The following IMMP2L variants were observed in gnomAD, a reference collection of about 807,000 sequenced individuals.
IMMP2L encodes the protein inner mitochondrial membrane peptidase subunit 2, also known as mitochondrial inner membrane protease subunit 2.
A neutral mutation model predicts 19.3 loss-of-function variants in IMMP2L; 18 were observed. The observed-to-expected ratio is 0.93, with a 90% confidence interval of 0.64 to 1.38. The LOEUF (loss-of-function observed/expected upper bound fraction) is 1.38, where lower values mean the gene tolerates loss of function less well. IMMP2L is among the 40% of genes most tolerant of loss of function. The pLI, the probability that IMMP2L is intolerant of heterozygous loss-of-function variation, is 0.00. For missense variants in IMMP2L, 233 were observed against 218.2 expected (o/e 1.07, Z -0.43); for synonymous variants, 76 against 73.0 (o/e 1.04, Z -0.21).
intron 3 of IMMP2L, among the ~76,000 whole-genome samples, chr7:111,250,618 A>G (rs1815994586): frequency 6.6e-6 from 1 of 152,134 alleles, no homozygotes; most frequent in Non-Finnish European, 1.5e-5. Flanking sequence ...CAACCATCTG[A>G]TTTTTTACAA....
intron 3 of IMMP2L, among the ~76,000 whole-genome samples, chr7:111,101,084 G>C (rs1171056244): frequency 6.6e-6 from 1 of 151,188 alleles, no homozygotes; most frequent in Non-Finnish European, 1.5e-5. Flanking sequence ...GCAGTATATC[G>C]AATTCTCAAC....
intron 4 of IMMP2L, among the ~76,000 whole-genome samples, chr7:110,936,785 G>T (rs910228885): frequency 2.6e-5 from 4 of 152,032 alleles, no homozygotes; most frequent in Non-Finnish European, 5.9e-5. Context: ...AACAGCAAAG[G>T]CTTGGAACCA....
chr7:111,497,250 G>T (rs1843681676), intron 2 of IMMP2L, among the ~76,000 whole-genome samples: 1 of 152,110 alleles, frequency 6.6e-6, no homozygotes, highest in Non-Finnish European at 1.5e-5. Context: ...AAGTGATCTT[G>T]TCCTTAGACT....
intron 1 of IMMP2L, among the ~76,000 whole-genome samples, chr7:111,556,691 G>A (rs1791403219): frequency 6.6e-6 from 1 of 151,930 alleles, no homozygotes; most frequent in Non-Finnish European, 1.5e-5. Flanking sequence ...CTCTTTTATG[G>A]TTTCTCCTTT....
chr7:110,778,881 G>A (rs1468398753), intron 5 of IMMP2L, among the ~76,000 whole-genome samples: 1 of 151,840 alleles, frequency 6.6e-6, no homozygotes, highest in Non-Finnish European at 1.5e-5. Flanking sequence ...CTATTTTGTG[G>A]TGCAAATTCT....
intron 5 of IMMP2L, among the ~76,000 whole-genome samples, chr7:110,782,175 T>A (rs779911556): frequency 1.6e-4 from 24 of 151,816 alleles, no homozygotes; most frequent in Non-Finnish European, 7.4e-5. Context: ...GATGTACACA[T>A]AAAAGAGAGA....
At chr7:110,921,294 GGGTCAGT>G (rs2129550491) in intron 4 of IMMP2L, among the ~76,000 whole-genome samples, 1 of 152,302 alleles carries the variant, frequency 6.6e-6, no homozygotes, top group South Asian at 2.1e-4. Flanking sequence ...GGGGATGGAA[GGGTCAGT>G]TCCATCTGAG....
intron 3 of IMMP2L, among the ~76,000 whole-genome samples, chr7:111,184,538 G>A (rs1808057831): frequency 6.6e-6 from 1 of 151,950 alleles, no homozygotes. Flanking sequence ...AGAGCTTCTG[G>A]TCTCACTACT....
intron 3 of IMMP2L, among the ~76,000 whole-genome samples, chr7:111,240,601 A>G (rs1005605381): frequency 1.3e-5 from 2 of 151,970 alleles, no homozygotes; most frequent in Non-Finnish European, 2.9e-5. Context: ...GAAAAAGTGT[A>G]CCATGTGTTG....
intron 3 of IMMP2L, among the ~76,000 whole-genome samples, chr7:111,046,751 A>C (rs2129571947): frequency 6.6e-6 from 1 of 152,296 alleles, no homozygotes; most frequent in South Asian, 2.1e-4. Flanking sequence ...GAAAGGGAAC[A>C]AGGGATGAAA....
chr7:110,841,121 A>G (rs1355791075), intron 5 of IMMP2L, among the ~76,000 whole-genome samples: 1 of 152,044 alleles, frequency 6.6e-6, no homozygotes, highest in East Asian at 1.9e-4. Context: ...CCCTACTGGT[A>G]TATCAGATGA....
intron 3 of IMMP2L, among the ~76,000 whole-genome samples, chr7:111,314,741 T>C (rs1161268155): frequency 6.6e-6 from 1 of 152,180 alleles, no homozygotes; most frequent in Non-Finnish European, 1.5e-5. Flanking sequence ...ACTATTAATA[T>C]GTTTTCAATG....
chr7:110,753,133 G>T (rs1416629634), intron 5 of IMMP2L, among the ~76,000 whole-genome samples: 2 of 152,012 alleles, frequency 1.3e-5, no homozygotes, highest in East Asian at 3.9e-4. Flanking sequence ...GAGAATGAAA[G>T]AAATCACTGC....
At chr7:111,369,988 A>G (rs1474793799) in intron 3 of IMMP2L, among the ~76,000 whole-genome samples, 1 of 152,030 alleles carries the variant, frequency 6.6e-6, no homozygotes, top group East Asian at 1.9e-4. Context: ...TAATCTGTTA[A>G]GGAAGCAATT....
Position 110,795,840 on chromosome 7 carries a change from C to T in IMMP2L, c.408+90753G>A, listed in dbSNP as rs181836934. ...GAAGGAGAAAGCAACTTTCTTACCC[C>T]CAAGGAGAGCATTATACAAAGCAAT... On this transcript the variant is annotated intron_variant, in intron 5 of 5. Coordinates refer to ENST00000405709, the MANE Select transcript of IMMP2L (RefSeq NM_032549.4). Among the ~76,000 whole-genome samples, 5 of 152,138 alleles carry T rather than the reference C, an allele frequency of 3.3e-5. 1 individual carries two copies. The highest frequency in any genetic ancestry group is 9.6e-5 in the African/African-American group (4 of 41,540).
intron 3 of IMMP2L, among the ~76,000 whole-genome samples, chr7:111,476,071 G>T (rs1160319039): frequency 1.3e-5 from 2 of 152,018 alleles, no homozygotes; most frequent in Non-Finnish European, 2.9e-5. Flanking sequence ...CTATTTTCAT[G>T]CATTTTTTAA....
chr7:110,978,794 A>T (rs2129557659), intron 3 of IMMP2L, among the ~76,000 whole-genome samples: 1 of 152,186 alleles, frequency 6.6e-6, no homozygotes, highest in South Asian at 2.1e-4. Context: ...ACCTCCAGTT[A>T]ATTTTCTAAC....
At chr7:110,973,942 C>T (rs975438232) in intron 3 of IMMP2L, among the ~76,000 whole-genome samples, 2 of 152,014 alleles carry the variant, frequency 1.3e-5, no homozygotes, top group African/African-American at 4.8e-5. Context: ...AAAATGGGGC[C>T]AAACCGTCAT....
intron 5 of IMMP2L, among the ~76,000 whole-genome samples, chr7:110,872,753 C>A (rs1484502278): frequency 6.6e-6 from 1 of 152,172 alleles, no homozygotes; most frequent in African/African-American, 2.4e-5. Context: ...TGGTGCAGGA[C>A]TGGAACTGGA....
Sources: gnomAD v4.1 joint callset for allele counts (sites outside exome capture counted in the v4.1 genomes callset) on GRCh38, gnomAD v4.1.1 for gene constraint, MANE v1.5 for transcripts, NCBI Gene and HGNC (gene_info 2026-07-23, HGNC 2026-07-21) for gene names.